The following MANBA variants were observed in gnomAD, a reference collection of about 807,000 sequenced individuals.
MANBA encodes the protein beta-mannosidase.
A neutral mutation model predicts 111.1 loss-of-function variants in MANBA; 83 were observed. The ratio of observed to expected loss-of-function variants is 0.75; its 90% confidence interval spans 0.63 to 0.90. The LOEUF (loss-of-function observed/expected upper bound fraction) is 0.90, where lower values mean the gene tolerates loss of function less well. MANBA is among the 40% of genes least tolerant of loss of function. The probability of loss-of-function intolerance (pLI) is 0.00; values close to 1 mark genes in which losing one functional copy is unlikely to be tolerated. For synonymous variants in MANBA, 370 were observed against 378.7 expected (o/e 0.98, Z 0.27); for missense variants, 1,036 against 1,069.0 (o/e 0.97, Z 0.43).
chr4:102,657,801 CAA>C lies in MANBA; in HGVS notation c.1583_1584del (p.Phe528TrpfsTer2). ...WVSQNPNSNY[F>X]GDVHFYDYIS... Reference sequence around the variant, plus strand: ...ATATAGTCATAAAAATGTACATCACCAAAATAATTGCTATTAGGGTTTTGAGA... The same window carrying C: ...ATATAGTCATAAAAATGTACATCACCAATAATTGCTATTAGGGTTTTGAGA... On this transcript the variant is annotated frameshift_variant, in exon 12 of 17. Transcript: ENST00000647097. LOFTEE classifies it high-confidence loss of function. 1 of 1,613,610 alleles carries C rather than the reference CAA, an allele frequency of 6.2e-7. No individual in the cohort carries two copies. The highest frequency in any genetic ancestry group is 8.5e-7 in the Non-Finnish European group (1 of 1,179,574).
At chr4:102,654,982 A>C (rs1220384920) in intron 12 of MANBA, among the ~76,000 whole-genome samples, 1 of 152,214 alleles carries the variant, frequency 6.6e-6, no homozygotes, top group Non-Finnish European at 1.5e-5. Context: ...CTAATAAATG[A>C]GATCAGCCAC....
At chr4:102,692,556 C>T (rs1309258104) in intron 5 of MANBA, among the ~76,000 whole-genome samples, 1 of 151,970 alleles carries the variant, frequency 6.6e-6, no homozygotes, top group Non-Finnish European at 1.5e-5. Context: ...AAAAACAGAC[C>T]GTTTTTTAAA....
At position 102,754,019 on chromosome 4, in the gene MANBA, A is replaced by G. The variant is rs1029181033; in HGVS notation, c.177+6699T>C. The G allele has an allele frequency of 8.4e-4, 266 of 316,494 alleles. 1 individual carries two copies. The highest frequency in any genetic ancestry group is 5.3e-3 in the African/African-American group (229 of 43,180). 19.6% of individuals were successfully genotyped at this position (316,494 alleles called of 1,614,324 possible). A position where few individuals can be genotyped will look rare whatever the true frequency, so the allele number is the denominator to read the frequency against. ...CTCTGTCTCAAAAAAAAAAAAAAAG[A>G]AAAAAAAAATCACCATTAAAGATAA... On this transcript the variant is annotated intron_variant, in intron 1 of 16. Transcript: ENST00000647097.
intron 5 of MANBA, among the ~76,000 whole-genome samples, chr4:102,713,532 T>A (rs895186490): frequency 6.6e-6 from 1 of 152,206 alleles, no homozygotes; most frequent in Non-Finnish European, 1.5e-5. Context: ...TCTGTGAGAT[T>A]TCTGAGGTTC....
chr4:102,730,132 TG>T, intron 1 of MANBA: 1 of 1,203,108 alleles, frequency 8.3e-7, no homozygotes, highest in Non-Finnish European at 1.1e-6. Context: ...GGCCCAGAGG[TG>T]GACACCTTGT....
At position 102,714,424 on chromosome 4, in the gene MANBA, A is replaced by G. The variant is rs1722233373; in HGVS notation, c.673+14T>C. 6.2e-7 allele frequency: 1 copy of G among 1,601,474 alleles called. No individual in the cohort carries two copies. The highest frequency in any genetic ancestry group is 1.3e-5 in the African/African-American group (1 of 74,752). ...AGACTCAAAAAGAAAAAAAAATCAC[A>G]TCTTTCAGCTTACCATATATTGGGG... On this transcript the variant is annotated intron_variant, in intron 5 of 16. Transcript: ENST00000647097.
At chr4:102,739,288 T>C (rs1032988187) in intron 1 of MANBA, among the ~76,000 whole-genome samples, 8 of 151,990 alleles carry the variant, frequency 5.3e-5, no homozygotes, top group African/African-American at 1.7e-4. Context: ...CAATAACAAG[T>C]AGTGGTGTTG....
chr4:102,701,085 G>C (rs1340373369), intron 5 of MANBA, among the ~76,000 whole-genome samples: 2 of 152,200 alleles, frequency 1.3e-5, no homozygotes, highest in African/African-American at 2.4e-5. Context: ...AGCTCTTCTT[G>C]TGGAATTTAT....
chr4:102,671,679 T>TA (rs1460005339), intron 8 of MANBA, among the ~76,000 whole-genome samples: 1 of 152,230 alleles, frequency 6.6e-6, no homozygotes, highest in Non-Finnish European at 1.5e-5. Context: ...TTTAGTCTTA[T>TA]AAAAAATACA....
intron 13 of MANBA, among the ~76,000 whole-genome samples, chr4:102,647,262 A>G (rs1730144301): frequency 6.8e-6 from 1 of 147,606 alleles, no homozygotes; most frequent in Non-Finnish European, 1.5e-5. Context: ...TATGTTGGAA[A>G]GTGCCAAGGT....
intron 7 of MANBA, among the ~76,000 whole-genome samples, chr4:102,683,349 G>T (rs1732066979): frequency 6.6e-6 from 1 of 152,112 alleles, no homozygotes; most frequent in South Asian, 2.1e-4. Context: ...GGAGAATCTT[G>T]ATCCCAGGAG....
chr4:102,699,299 G>A (rs1732895951), intron 5 of MANBA, among the ~76,000 whole-genome samples: 1 of 150,430 alleles, frequency 6.6e-6, no homozygotes, highest in Non-Finnish European at 1.5e-5. Flanking sequence ...CATGTCGTCT[G>A]CAAACAGGGA....
chr4:102,643,928 T>C (rs1415224683), intron 13 of MANBA, among the ~76,000 whole-genome samples: 1 of 152,218 alleles, frequency 6.6e-6, no homozygotes, highest in African/African-American at 2.4e-5. Flanking sequence ...GCCTATTTTT[T>C]CTTTGGTTAA....
chr4:102,671,608 T>C (rs772297787), intron 8 of MANBA, among the ~76,000 whole-genome samples: 5 of 152,236 alleles, frequency 3.3e-5, no homozygotes, highest in Non-Finnish European at 7.3e-5. Flanking sequence ...GTGATATCTT[T>C]ACCTATTAAA....
intron 7 of MANBA, among the ~76,000 whole-genome samples, chr4:102,676,718 C>A (rs1175159568): frequency 6.6e-6 from 1 of 152,110 alleles, no homozygotes; most frequent in African/African-American, 2.4e-5. Flanking sequence ...TTTTTGGCAA[C>A]AATATACAAG....
At chr4:102,701,634 G>C (rs1733051502) in intron 5 of MANBA, among the ~76,000 whole-genome samples, 1 of 151,574 alleles carries the variant, frequency 6.6e-6, no homozygotes, top group African/African-American at 2.4e-5. Context: ...AGTTTGGCTG[G>C]ATATGAAATT....
chr4:102,728,495 A>T (rs1440447105), intron 1 of MANBA: 8 of 381,432 alleles, frequency 2.1e-5, no homozygotes, highest in Non-Finnish European at 4.0e-5. Flanking sequence ...CACATTTGAA[A>T]AAAACAGGTA....
chr4:102,689,770 C>T (rs920478924), intron 6 of MANBA, 86 bp from the exon 7 acceptor site: 1 of 802,584 alleles, frequency 1.2e-6, no homozygotes, highest in Non-Finnish European at 2.2e-6. Context: ...CTCAAATAGT[C>T]AAGTACAAAA....
intron 16 of MANBA, chr4:102,633,107 T>C (rs1729462224): frequency 2.5e-6 from 1 of 396,286 alleles, no homozygotes; most frequent in African/African-American, 2.1e-5. Context: ...ATTTGTGTAA[T>C]ATGTTATCAT....
Sources: gnomAD v4.1 joint callset for allele counts (sites outside exome capture counted in the v4.1 genomes callset) on GRCh38, gnomAD v4.1.1 for gene constraint, MANE v1.5 for transcripts, NCBI Gene and HGNC (gene_info 2026-07-23, HGNC 2026-07-21) for gene names.